Variants in COL28A1 observed in about 807,000 individuals in gnomAD.
COL28A1 encodes collagen type XXVIII alpha 1 chain, also known as collagen alpha-1(XXVIII) chain.
A neutral mutation model predicts 150.2 loss-of-function variants in COL28A1; 161 were observed. That is an observed-to-expected ratio of 1.07 (90% confidence interval 0.94 to 1.22). The LOEUF (loss-of-function observed/expected upper bound fraction) is 1.22, where lower values mean the gene tolerates loss of function less well. COL28A1 is among the 50% of genes most tolerant of loss of function. The pLI, the probability that COL28A1 is intolerant of heterozygous loss-of-function variation, is 0.00. For synonymous variants in COL28A1, 552 were observed against 469.7 expected (o/e 1.18, Z -2.26); for missense variants, 1,617 against 1,388.3 (o/e 1.16, Z -2.62).
intron 15 of COL28A1, among the ~76,000 whole-genome samples, chr7:7,474,339 G>C (rs1165287414): frequency 1.3e-5 from 2 of 152,052 alleles, no homozygotes; most frequent in African/African-American, 4.8e-5. Context: ...ATTGGGTTCA[G>C]TGTATACTGC....
intron 18 of COL28A1, among the ~76,000 whole-genome samples, chr7:7,451,345 C>T (rs538412836): frequency 2.6e-5 from 4 of 152,022 alleles, no homozygotes; most frequent in South Asian, 4.2e-4. Flanking sequence ...CCCGCCTCAG[C>T]CACCCTAGTA....
At chr7:7,513,112 G>C (rs1781236226) in intron 8 of COL28A1, among the ~76,000 whole-genome samples, 2 of 152,218 alleles carry the variant, frequency 1.3e-5, no homozygotes, top group Admixed American at 6.5e-5. Context: ...GCAGACCACA[G>C]TTTCAACAGC....
At chr7:7,408,246 C>T (rs73674529) in intron 27 of COL28A1, among the ~76,000 whole-genome samples, 3,018 of 152,184 alleles carry the variant, frequency 0.02, 95 homozygotes, top group African/African-American at 0.069. Context: ...AGACAAATTG[C>T]TCTGGGGCTA....
At chr7:7,455,905 T>C in intron 16 of COL28A1, 139 bp downstream of exon 16, 1 of 1,108,116 alleles carries the variant, frequency 9.0e-7, no homozygotes, top group East Asian at 3.0e-5. Flanking sequence ...TCCTTCCCTA[T>C]ATTCACTTCT....
chr7:7,511,810 T>G (rs566906293), intron 8 of COL28A1: 2 of 471,018 alleles, frequency 4.2e-6, no homozygotes, highest in African/African-American at 4.0e-5. Context: ...TTTTTCATTA[T>G]TATGCTCTAC....
At chr7:7,501,781 T>G (rs1201974509) in intron 11 of COL28A1, among the ~76,000 whole-genome samples, 1 of 152,190 alleles carries the variant, frequency 6.6e-6, no homozygotes, top group East Asian at 1.9e-4. Flanking sequence ...GTTCAGTCTT[T>G]CCTCAGAGCA....
intron 16 of COL28A1, among the ~76,000 whole-genome samples, chr7:7,454,927 C>T (rs1433031257): frequency 6.6e-6 from 1 of 152,008 alleles, no homozygotes; most frequent in Admixed American, 6.6e-5. Context: ...CTTAAGATTC[C>T]TAATGTGTTA....
chr7:7,468,025 C>A (rs1391831348), intron 15 of COL28A1, among the ~76,000 whole-genome samples: 2 of 52,868 alleles, frequency 3.8e-5, no homozygotes, highest in East Asian at 1.2e-3. Context: ...AAAATTGACA[C>A]CCTAACATCA....
chr7:7,431,610 A>C (rs1459853009), intron 25 of COL28A1: 1 of 471,066 alleles, frequency 2.1e-6, no homozygotes, highest in Non-Finnish European at 4.4e-6. Context: ...CAGTCGGGGC[A>C]TGAAGGATCT....
chr7:7,511,744 T>C (rs1417830893), intron 8 of COL28A1: 1 of 470,866 alleles, frequency 2.1e-6, no homozygotes, highest in Non-Finnish European at 4.4e-6. Flanking sequence ...GGTGCCATGA[T>C]GAGTTAGCGA....
intron 30 of COL28A1, among the ~76,000 whole-genome samples, chr7:7,378,952 C>T (rs962689624): frequency 6.6e-6 from 1 of 152,174 alleles, no homozygotes; most frequent in Non-Finnish European, 1.5e-5. Context: ...AAGCTCTGTC[C>T]AAATCCCCTG....
chr7:7,364,000 AC>A (rs1230471960), intron 33 of COL28A1, among the ~76,000 whole-genome samples: 1 of 152,030 alleles, frequency 6.6e-6, no homozygotes, highest in Non-Finnish European at 1.5e-5. Context: ...TCTGGTCAGG[AC>A]CTTTCATTCC....
At chr7:7,412,557 A>C (rs1331851404) in intron 27 of COL28A1, among the ~76,000 whole-genome samples, 2 of 152,144 alleles carry the variant, frequency 1.3e-5, no homozygotes, top group East Asian at 3.8e-4. Context: ...TAATAATGTG[A>C]ATAGCTGCAA....
chr7:7,451,697 T>G (rs1278207847), intron 18 of COL28A1, among the ~76,000 whole-genome samples: 1 of 152,162 alleles, frequency 6.6e-6, no homozygotes, highest in Non-Finnish European at 1.5e-5. Flanking sequence ...GAGGCATATA[T>G]TACACATATG....
intron 27 of COL28A1, among the ~76,000 whole-genome samples, chr7:7,407,881 G>A (rs1249913386): frequency 6.6e-6 from 1 of 151,954 alleles, no homozygotes; most frequent in African/African-American, 2.4e-5. Flanking sequence ...AGTGTTAGAG[G>A]ATTAAAAATA....
At chr7:7,380,078 T>C (rs1207373769) in intron 30 of COL28A1, among the ~76,000 whole-genome samples, 1 of 152,010 alleles carries the variant, frequency 6.6e-6, no homozygotes, top group Non-Finnish European at 1.5e-5. Flanking sequence ...GAAGACAGAT[T>C]GCCTTCAAAG....
At chr7:7,364,144 C>T (rs1780813267) in intron 33 of COL28A1, among the ~76,000 whole-genome samples, 1 of 152,214 alleles carries the variant, frequency 6.6e-6, no homozygotes, top group African/African-American at 2.4e-5. Context: ...AGATGATGCA[C>T]AGTACCTTCT....
intron 13 of COL28A1, among the ~76,000 whole-genome samples, chr7:7,482,399 C>G (rs980699524): frequency 2.6e-5 from 4 of 151,908 alleles, no homozygotes; most frequent in African/African-American, 9.7e-5. Context: ...GTGGCTGGAG[C>G]CTACAGTCCC....
chr7:7,417,510 G>A (rs1784149326), intron 27 of COL28A1: 2 of 200,638 alleles, frequency 1.0e-5, no homozygotes, highest in South Asian at 7.9e-5. Context: ...GGAGGGGGAG[G>A]GAAGGAGGGA....
Sources: allele counts gnomAD v4.1 joint callset (sites outside exome capture counted in the v4.1 genomes callset), GRCh38; gene constraint gnomAD v4.1.1; transcripts MANE v1.5; gene names NCBI Gene and HGNC (gene_info 2026-07-23, HGNC 2026-07-21).